Variants in NOTUM observed in about 807,000 individuals in gnomAD.
NOTUM encodes the protein palmitoleoyl-protein carboxylesterase NOTUM.
A neutral mutation model predicts 65.5 loss-of-function variants in NOTUM; 36 were observed. The observed-to-expected ratio is 0.55, with a 90% confidence interval of 0.42 to 0.73. The LOEUF (loss-of-function observed/expected upper bound fraction) is 0.73, where lower values mean the gene tolerates loss of function less well. Ranked by LOEUF, NOTUM falls within the 30% of genes least tolerant of loss-of-function variation. NOTUM has a pLI of 0.00. For synonymous variants in NOTUM, 356 were observed against 297.9 expected (o/e 1.20, Z -2.01); for missense variants, 659 against 694.2 (o/e 0.95, Z 0.57).
Position 81,952,877 on chromosome 17 carries a change from G to C in NOTUM, c.*84C>G, listed in dbSNP as rs2041397568. 5 of 1,235,932 alleles carry C rather than the reference G, an allele frequency of 4.0e-6. No homozygotes were observed. The highest frequency in any genetic ancestry group is 1.8e-5 in the Admixed American group (1 of 56,392). 76.6% of individuals were successfully genotyped at this position (1,235,932 alleles called of 1,614,324 possible). On this transcript the variant is annotated 3_prime_UTR_variant, in exon 11 of 11. Coordinates refer to ENST00000409678, the MANE Select transcript of NOTUM (RefSeq NM_178493.6). ...GGGGCCCTGTCCCGAAGAGACGGGA[G>C]GGCCTGCTGGTGGGGGGTGAGGTGG...
chr17:81,954,923 C>T (rs1381820358), intron 9 of NOTUM, among the ~76,000 whole-genome samples: 4 of 107,264 alleles, frequency 3.7e-5, no homozygotes, highest in Admixed American at 8.3e-5. Context: ...GGCCCAAGAC[C>T]GATCTCGATC....
Position 81,959,531 on chromosome 17 carries a change from A to ATT in NOTUM, c.411_412insAA (p.Ser138AsnfsTer11). ...AGGCGCCGCATGGTGTCGTATCTGGAGTCGCAGTTCTCGCGGTTGAAGCAG... is the reference window on the plus strand; with the variant it reads ...AGGCGCCGCATGGTGTCGTATCTGGATTGTCGCAGTTCTCGCGGTTGAAGCAG... On this transcript the variant is annotated frameshift_variant, in exon 3 of 11. Coordinates refer to ENST00000409678, the MANE Select transcript of NOTUM (RefSeq NM_178493.6). LOFTEE classifies it high-confidence loss of function. The ATT allele has an allele frequency of 6.5e-7, 1 of 1,548,938 alleles. No homozygotes were observed. The highest frequency in any genetic ancestry group is 2.4e-5 in the East Asian group (1 of 40,850).
chr17:81,959,072 G>C (rs1340991188), intron 3 of NOTUM, 77 bp from the exon 4 acceptor site: 2 of 1,253,374 alleles, frequency 1.6e-6, no homozygotes, highest in African/African-American at 2.9e-5. Flanking sequence ...CTGGTGAGGT[G>C]TTGGGGCTCC....
chr17:81,957,829 C>A lies in NOTUM; in HGVS notation c.672G>T (p.Lys224Asn), dbSNP rs1289621519. 1.2e-6 allele frequency: 2 copies of A among 1,607,696 alleles called. No homozygotes were observed. The highest frequency in any genetic ancestry group is 1.7e-6 in the Non-Finnish European group (2 of 1,177,672). The stretch of plus-strand genomic sequence containing the variant: ...ACCTGCTCCCGGCCAGCAGCAGCAC[C>A]TTGGCCCCGCTCAGCCCTCTGCCCA... Reference protein sequence around the residue: ...ELLGRGLSGAKVLLLAGSSAG... With the variant: ...ELLGRGLSGANVLLLAGSSAG... Residue 224 changes from lysine (K) to asparagine (N), a missense_variant, in exon 6 of 11, where the codon AAG becomes AAT. By Grantham distance (94) the Lys-to-Asn change is moderately conservative (BLOSUM62 0). Coordinates refer to ENST00000409678, the MANE Select transcript of NOTUM (RefSeq NM_178493.6).
chr17:81,956,895 C>T lies in NOTUM; in HGVS notation c.875G>A (p.Arg292His), dbSNP rs778994214. Reference protein sequence around the residue: ...TITCAPTEAIRRGIRYWNGVV... With the variant: ...TITCAPTEAIHRGIRYWNGVV... ...CCCGCTGCGGCACCTGATGCCACGG[C>T]GGATGGCCTCCGTGGGCGCGCACGT... The change falls in exon 7 of 11, where the codon CGC (arginine) becomes CAC (histidine). Residue 292 changes from arginine to histidine, a missense_variant. By Grantham distance (29) the Arg-to-His change is conservative. Transcript: ENST00000409678. 7.5e-6 allele frequency: 12 copies of T among 1,610,000 alleles called. No individual in the cohort carries two copies. The East Asian group carries it at 8.9e-5, about 12-fold the overall frequency.
chr17:81,953,759 G>A (rs1346370891), intron 10 of NOTUM, among the ~76,000 whole-genome samples: 1 of 149,592 alleles, frequency 6.7e-6, no homozygotes, highest in Non-Finnish European at 1.5e-5. Flanking sequence ...GTGAGCCACT[G>A]CTCAGCCTGA....
intron 5 of NOTUM, 57 bp downstream of exon 5, chr17:81,958,278 G>T: frequency 1.7e-6 from 2 of 1,195,524 alleles, no homozygotes; most frequent in African/African-American, 1.5e-5. Flanking sequence ...CCTCCTCCCT[G>T]CCCTGCCATC....
At chr17:81,957,578 T>G (rs1370896121) in intron 6 of NOTUM, among the ~76,000 whole-genome samples, 1 of 151,964 alleles carries the variant, frequency 6.6e-6, no homozygotes, top group Non-Finnish European at 1.5e-5. Flanking sequence ...TCCAGAAGCA[T>G]CCTCTGGACA....
intron 10 of NOTUM, 76 bp downstream of exon 10, chr17:81,954,180 C>G (rs2041410335): frequency 1.9e-6 from 2 of 1,080,698 alleles, no homozygotes; most frequent in Middle Eastern, 2.0e-4. Context: ...CATGGGAGGC[C>G]AAGTGCGGTT....
Position 81,956,741 on chromosome 17 carries a change from G to A in NOTUM, c.897C>T (p.Asn299=), listed in dbSNP as rs770691002. 16 of 1,612,310 alleles carry A rather than the reference G, an allele frequency of 9.9e-6. No individual in the cohort carries two copies. The East Asian group carries it at 1.8e-4, about 18-fold the overall frequency. The change falls in exon 8 of 11, where the codon AAC becomes AAT. Residue 299 remains asparagine (N), a synonymous_variant. Coordinates refer to ENST00000409678, the MANE Select transcript of NOTUM (RefSeq NM_178493.6). ...EAIRRGIRYW[N]GVVPERCRRQ... Reference sequence around the variant, plus strand: ...GTCGGCAGCGCTCCGGGACCACCCCGTTCCAGTACCTGGAGCCACAGCCAC... The same window carrying A: ...GTCGGCAGCGCTCCGGGACCACCCCATTCCAGTACCTGGAGCCACAGCCAC...
chr17:81,956,777 G>T (rs762935584), intron 7 of NOTUM, 27 bp from the exon 8 acceptor site: 8 of 1,603,058 alleles, frequency 5.0e-6, no homozygotes, highest in Admixed American at 3.3e-5. Flanking sequence ...AGGTTAGGCT[G>T]CCGTGGGTCT....
intron 10 of NOTUM, among the ~76,000 whole-genome samples, 184 bp from the exon 11 acceptor site, chr17:81,953,451 G>A (rs753492730): frequency 9.9e-5 from 15 of 151,430 alleles, no homozygotes; most frequent in African/African-American, 2.4e-4. Context: ...GTGTGCCACC[G>A]AGACTGGCTA....
chr17:81,953,904 CCGG>C (rs1379749814), intron 10 of NOTUM, among the ~76,000 whole-genome samples: 3 of 152,066 alleles, frequency 2.0e-5, no homozygotes, highest in African/African-American at 7.3e-5. Flanking sequence ...GCCTCAGCCT[CCGG>C]AGTAGCTGGA....
intron 8 of NOTUM, 54 bp from the exon 9 acceptor site, chr17:81,955,598 C>G: frequency 6.4e-7 from 1 of 1,560,578 alleles, no homozygotes; most frequent in Non-Finnish European, 8.7e-7. Context: ...GCTGCCCCCA[C>G]CCCAGGCTCA....
At position 81,956,946 on chromosome 17, in the gene NOTUM, C is replaced by T. The variant is rs143082560; in HGVS notation, c.824G>A (p.Arg275His). ...SGWFLDNKQY[R>H]HTDCVDTITC... ...GATCGTGTCGACGCAGTCTGTGTGG[C>T]GATACTGCTTGTTGTCCAGGAACCA... Residue 275 changes from arginine to histidine, a missense_variant, in exon 7 of 11, where the codon CGC (arginine) becomes CAC (histidine). Coordinates refer to ENST00000409678, the MANE Select transcript of NOTUM (RefSeq NM_178493.6). The T allele has an allele frequency of 3.8e-4, 605 of 1,613,282 alleles. 3 individuals are homozygous for T. In the East Asian group the frequency reaches 0.012, roughly 31 times the overall value.
rs768738123 is a variant in NOTUM at position 81,955,540 on chromosome 17, A to G, written c.993T>C (p.Pro331=). The G allele has an allele frequency of 1.9e-6, 3 of 1,609,392 alleles. No individual in the cohort carries two copies. The highest frequency in any genetic ancestry group is 1.7e-5 in the Admixed American group (1 of 59,876). Residue 331 remains proline, a synonymous_variant, in exon 9 of 11, where the codon CCT becomes CCC. Transcript: ENST00000409678. ...GYKVYPTLRC[P]VFVVQWLFDE... ...CAAACAGCCACTGCACCACGAACAC[A>G]GGGCCTGCGGGCGGCGGGGCTCAGT...
chr17:81,959,595 C>G, intron 2 of NOTUM, 29 bp from the exon 3 acceptor site: 1 of 1,546,688 alleles, frequency 6.5e-7, no homozygotes, highest in Admixed American at 2.0e-5. Context: ...CTCAGGCCCG[C>G]GCGCACAGAC....
In NOTUM at chr17:81,960,536, G is replaced by T; in HGVS notation, c.323+51C>A. 2 of 1,305,666 alleles carry T rather than the reference G, an allele frequency of 1.5e-6. No individual in the cohort carries two copies. The highest frequency in any genetic ancestry group is 1.0e-6 in the Non-Finnish European group (1 of 974,906). 80.9% of individuals were successfully genotyped at this position (1,305,666 alleles called of 1,614,324 possible). A position where few individuals can be genotyped will look rare whatever the true frequency, so the allele number is the denominator to read the frequency against. ...CGCGGCCCGCAGGGAAGGTCCAGCC[G>T]GAGACCGGGCGCGTCGGGCGGGGCG... On this transcript the variant is annotated intron_variant, in intron 1 of 10. Transcript: ENST00000409678. This position sits in a 1 kb window ranked among gnomAD's most constrained non-coding sequence, Gnocchi z 6.4.
At chr17:81,959,367 G>A (rs1425599816) in intron 3 of NOTUM, 104 bp downstream of exon 3, 4 of 877,594 alleles carry the variant, frequency 4.6e-6, no homozygotes, top group African/African-American at 3.4e-5. Context: ...GCGCCAGGCT[G>A]GGCATGATGT....
Sources: allele counts gnomAD v4.1 joint callset (sites outside exome capture counted in the v4.1 genomes callset), GRCh38; gene constraint gnomAD v4.1.1; non-coding constraint Gnocchi (gnomAD v3.1); transcripts MANE v1.5; gene names NCBI Gene and HGNC (gene_info 2026-07-23, HGNC 2026-07-21).